Variants in PRKCH observed in about 807,000 individuals in gnomAD.
PRKCH encodes protein kinase C eta.
A neutral mutation model predicts 82.5 loss-of-function variants in PRKCH; 28 were observed. The observed-to-expected ratio is 0.34, with a 90% confidence interval of 0.25 to 0.47. The LOEUF is 0.47. PRKCH is among the 20% of genes least tolerant of loss of function. The pLI is 1.00. For missense variants in PRKCH, 705 were observed against 881.8 expected (o/e 0.80, Z 2.54); for synonymous variants, 322 against 327.4 (o/e 0.98, Z 0.18).
intron 1 of PRKCH, among the ~76,000 whole-genome samples, chr14:61,308,243 G>T (rs2045496790): frequency 6.6e-6 from 1 of 152,186 alleles, no homozygotes; most frequent in Non-Finnish European, 1.5e-5. Context: ...AAGAAACATA[G>T]CTTGTGCATT....
At position 61,322,446 on chromosome 14, in the gene PRKCH, G is replaced by C. The variant is rs746122927; in HGVS notation, c.345G>C (p.Ser115=). 4 of 1,596,668 alleles carry C rather than the reference G, an allele frequency of 2.5e-6. No individual in the cohort carries two copies. The highest frequency in any genetic ancestry group is 1.1e-5 in the South Asian group (1 of 90,798). Residue 115 remains serine, a synonymous_variant, in exon 1 of 14, where the codon TCG becomes TCC. Coordinates refer to ENST00000332981, the MANE Select transcript of PRKCH (RefSeq NM_006255.5). The part of the protein sequence containing the change: ...FQELLRTTGA[S]DTFEGWVDLE... ...AGCTGCTGCGCACGACCGGCGCCTC[G>C]GACACCTTCGAGGGTTGGGTGAGTA...
chr14:61,209,750 T>A (rs2044555304), intron 1 of PRKCH, among the ~76,000 whole-genome samples: 1 of 152,116 alleles, frequency 6.6e-6, no homozygotes, highest in Non-Finnish European at 1.5e-5. Flanking sequence ...ACCGTACCCA[T>A]CACCCAAATG....
intron 1 of PRKCH, among the ~76,000 whole-genome samples, chr14:61,293,269 C>T (rs2045378906): frequency 6.6e-6 from 1 of 152,136 alleles, no homozygotes; most frequent in Non-Finnish European, 1.5e-5. Context: ...AAGCACCTGC[C>T]CTTTTAACCT....
chr14:61,540,702 T>C (rs1490902003), intron 12 of PRKCH, among the ~76,000 whole-genome samples: 3 of 152,138 alleles, frequency 2.0e-5, no homozygotes, highest in Non-Finnish European at 4.4e-5. Context: ...TTCTCTACTC[T>C]CTCCACTCCT....
chr14:61,327,058 C>A, intron 1 of PRKCH: 1 of 456,020 alleles, frequency 2.2e-6, no homozygotes, highest in Middle Eastern at 3.3e-4. Context: ...AAGACCTTGG[C>A]GCCCCCTCAG....
At chr14:61,329,858 G>A (rs962081006) in intron 1 of PRKCH, among the ~76,000 whole-genome samples, 19 of 152,168 alleles carry the variant, frequency 1.2e-4, no homozygotes, top group Non-Finnish European at 1.0e-4. Flanking sequence ...TAATGGAAGC[G>A]TGTGACACTG....
At chr14:61,242,268 C>G (rs536659551) in intron 1 of PRKCH, among the ~76,000 whole-genome samples, 1 of 152,286 alleles carries the variant, frequency 6.6e-6, no homozygotes, top group South Asian at 2.1e-4. Context: ...AATGGTCATA[C>G]CTTAACTCAA....
At position 61,437,644 on chromosome 14, in the gene PRKCH, C is replaced by G. The variant is rs563923601; in HGVS notation, c.428-5467C>G. Reference sequence around the variant, plus strand: ...TTACTTTCTAGGGATACCAGGAGACCTGGTGTTAATAAAGGGCACAGTGCA... The same window carrying G: ...TTACTTTCTAGGGATACCAGGAGACGTGGTGTTAATAAAGGGCACAGTGCA... On this transcript the variant is annotated intron_variant, in intron 2 of 13. Coordinates refer to ENST00000332981, the MANE Select transcript of PRKCH (RefSeq NM_006255.5). Among the ~76,000 whole-genome samples, 3 of 152,090 alleles carry G rather than the reference C, an allele frequency of 2.0e-5. No homozygotes were observed. The South Asian group carries it at 6.2e-4, about 32-fold the overall frequency.
chr14:61,517,621 G>A (rs900951586), intron 10 of PRKCH, among the ~76,000 whole-genome samples: 1 of 152,216 alleles, frequency 6.6e-6, no homozygotes, highest in Non-Finnish European at 1.5e-5. Flanking sequence ...ACCTAGCACT[G>A]TGTGCCCTAG....
chr14:61,521,385 T>C (rs1239029026), intron 10 of PRKCH, among the ~76,000 whole-genome samples: 1 of 152,100 alleles, frequency 6.6e-6, no homozygotes, highest in East Asian at 1.9e-4. Context: ...GATACATAAT[T>C]TAGCTTTTTT....
chr14:61,367,342 TTGCGTGTGTGTGTGTGTATGTG>T (rs1220563811), intron 1 of PRKCH, among the ~76,000 whole-genome samples: 19 of 146,574 alleles, frequency 1.3e-4, no homozygotes, highest in Non-Finnish European at 3.0e-5. Context: ...TACTCAGGTA[TTGCGTGTGTGTGTGTGTATGTG>T]TGTGTGTGTG....
At chr14:61,543,559 T>C (rs182348890) in intron 12 of PRKCH, 6 of 152,324 alleles carry the variant, frequency 3.9e-5, no homozygotes, top group African/African-American at 1.4e-4. Context: ...CTTCCTTTAG[T>C]AAATGTGTGC....
intron 1 of PRKCH, among the ~76,000 whole-genome samples, chr14:61,289,606 C>T (rs1176830846): frequency 6.6e-6 from 1 of 152,206 alleles, no homozygotes; most frequent in Non-Finnish European, 1.5e-5. Context: ...ACTCAGGAGG[C>T]TGAGGTGGGA....
chr14:61,453,366 T>C lies in PRKCH; in HGVS notation c.960+13T>C, dbSNP rs746998687. 12 of 1,608,932 alleles carry C rather than the reference T, an allele frequency of 7.5e-6. No individual in the cohort carries two copies. The Middle Eastern group carries it at 5.0e-4, about 67-fold the overall frequency. Reference sequence around the variant, plus strand: ...TTCTCCAACCTCGGTGAGACTTTGCTTTTTTTCCATGTCTCGTAATTTAGA... The same window carrying C: ...TTCTCCAACCTCGGTGAGACTTTGCCTTTTTTCCATGTCTCGTAATTTAGA... On this transcript the variant is annotated intron_variant, in intron 7 of 13. Coordinates refer to ENST00000332981, the MANE Select transcript of PRKCH (RefSeq NM_006255.5).
At position 61,322,145 on chromosome 14, in the gene PRKCH, G is replaced by C. The variant is rs1182708761; in HGVS notation, c.44G>C (p.Arg15Pro). The change falls in exon 1 of 14, where the codon CGC (arginine) becomes CCC (proline). Residue 15 changes from arginine (R) to proline (P), a missense_variant. Physicochemically the swap from Arg to Pro is moderately radical, Grantham distance 103. Transcript: ENST00000332981. ...AAGTTCAATGGCTATTTGAGGGTCC[G>C]CATCGGTGAGGCAGTGGGGCTGCAG... ...TMKFNGYLRVRIGEAVGLQPT... is the reference protein window; with the variant it reads ...TMKFNGYLRVPIGEAVGLQPT... The C allele has an allele frequency of 1.2e-6, 2 of 1,604,782 alleles. No homozygotes were observed. Among genetic ancestry groups the C allele is most frequent in the African/African-American group, 2.7e-5 (2 of 74,664 alleles).
At chr14:61,236,766 C>A (rs1239610493) in intron 1 of PRKCH, among the ~76,000 whole-genome samples, 1 of 146,016 alleles carries the variant, frequency 6.8e-6, no homozygotes, top group African/African-American at 2.5e-5. Context: ...CCCACCAAAA[C>A]CAAGATGGCC....
intron 10 of PRKCH, among the ~76,000 whole-genome samples, chr14:61,488,085 C>T (rs1886304757): frequency 6.6e-6 from 1 of 151,356 alleles, no homozygotes; most frequent in Non-Finnish European, 1.5e-5. Context: ...CCGCAGGGGG[C>T]GGAGCCTGCA....
chr14:61,449,083 T>C, intron 4 of PRKCH, 81 bp from the exon 5 acceptor site: 2 of 1,331,224 alleles, frequency 1.5e-6, no homozygotes, highest in Non-Finnish European at 2.2e-6. Context: ...GTTGGCACGG[T>C]GCAGCCCTGG....
At position 61,321,978 on chromosome 14, in the gene PRKCH, C is replaced by T; in HGVS notation, c.-124C>T. 1.9e-6 allele frequency: 2 copies of T among 1,067,044 alleles called. No individual in the cohort carries two copies. Among genetic ancestry groups the T allele is most frequent in the Non-Finnish European group, 2.6e-6 (2 of 762,260 alleles). The allele number at this position is 1,067,044 out of a possible 1,614,324, so 66.1% of individuals were successfully genotyped here. On this transcript the variant is annotated 5_prime_UTR_variant, in exon 1 of 14. Transcript: ENST00000332981. This position sits in a 1 kb window ranked among gnomAD's most constrained non-coding sequence, Gnocchi z 4.1. ...AATGGCCAGTCGAGGGGCGCTTAGGCGCTGCCTTTCCCCAGGGCTGCCTCG... is the reference window on the plus strand; with the variant it reads ...AATGGCCAGTCGAGGGGCGCTTAGGTGCTGCCTTTCCCCAGGGCTGCCTCG...
Sources: gnomAD v4.1 joint callset for allele counts (sites outside exome capture counted in the v4.1 genomes callset) on GRCh38, gnomAD v4.1.1 for gene constraint, Gnocchi (gnomAD v3.1) non-coding constraint, MANE v1.5 for transcripts, NCBI Gene and HGNC (gene_info 2026-07-23, HGNC 2026-07-21) for gene names.